Variants in EFNA5 observed in about 807,000 individuals in gnomAD.
EFNA5 encodes the protein ephrin A5.
In EFNA5, 5 loss-of-function variants were observed where a neutral mutation model predicts 22.9. The ratio of observed to expected loss-of-function variants is 0.22; its 90% CI spans 0.11 to 0.46. The LOEUF is 0.46. Among genes scored for constraint, EFNA5 ranks in the 20% least tolerant of loss-of-function variants. The pLI is 0.99. For missense variants in EFNA5, 237 were observed against 293.3 expected, an observed-to-expected ratio of 0.81 and a Z score of 1.40; for synonymous variants, 113 against 112.2, an observed-to-expected ratio of 1.01 and a Z score of -0.04.
chr5:107,602,423 A>G (rs962104356), intron 1 of EFNA5, among the ~76,000 whole-genome samples: 2 of 152,248 alleles, frequency 1.3e-5, no homozygotes, highest in African/African-American at 4.8e-5. Flanking sequence ...GGGTAAAGAT[A>G]AAAATCAGAG....
rs183571857 is a variant in EFNA5, at chr5:107,495,093, G to A, written c.126-67584C>T. On this transcript the variant is annotated intron_variant, in intron 1 of 4. Coordinates refer to ENST00000333274, the MANE Select transcript of EFNA5 (RefSeq NM_001962.3). The stretch of plus-strand genomic sequence containing the variant: ...AAGAGAATAAAAGCAGGCTGCCTGA[G>A]CCAGCAGTGGCAACCCGCTCAGGTC... Among the ~76,000 whole-genome samples the A allele has an allele frequency of 2.6e-3, 397 of 152,282 alleles. 4 individuals are homozygous for A. Among genetic ancestry groups the A allele is most frequent in the African/African-American group, 8.8e-3 (364 of 41,556 alleles).
chr5:107,644,395 GCTT>G (rs946004301), intron 1 of EFNA5, among the ~76,000 whole-genome samples: 1 of 152,124 alleles, frequency 6.6e-6, no homozygotes, highest in Non-Finnish European at 1.5e-5. Context: ...AGAACATTTT[GCTT>G]CGTTTCAAAA....
chr5:107,661,570 G>A (rs1260550622), intron 1 of EFNA5, among the ~76,000 whole-genome samples: 1 of 152,150 alleles, frequency 6.6e-6, no homozygotes, highest in African/African-American at 2.4e-5. Flanking sequence ...GTATTTTCTT[G>A]CCCTGAAACA....
intron 1 of EFNA5, among the ~76,000 whole-genome samples, chr5:107,599,849 C>A (rs1383402866): frequency 2.6e-5 from 4 of 152,170 alleles, no homozygotes; most frequent in African/African-American, 9.7e-5. Context: ...AATGCATCTC[C>A]GAGGCTGTGC....
At chr5:107,558,817 T>C (rs566062639) in intron 1 of EFNA5, among the ~76,000 whole-genome samples, 2 of 152,372 alleles carry the variant, frequency 1.3e-5, no homozygotes, top group African/African-American at 2.4e-5. Context: ...TTTAAACATA[T>C]AGCTTTGCCT....
chr5:107,653,553 G>A (rs1750774223), intron 1 of EFNA5, among the ~76,000 whole-genome samples: 1 of 152,144 alleles, frequency 6.6e-6, no homozygotes, highest in Non-Finnish European at 1.5e-5. Context: ...TGGAGGCACT[G>A]TTTTAAAGCT....
intron 1 of EFNA5, among the ~76,000 whole-genome samples, chr5:107,509,549 TC>T: frequency 6.6e-6 from 1 of 150,444 alleles, no homozygotes; most frequent in Middle Eastern, 3.5e-3. Context: ...GCCAAGCTGG[TC>T]TTGAACTCCT....
intron 1 of EFNA5, among the ~76,000 whole-genome samples, chr5:107,521,788 G>C (rs1462617540): frequency 2.0e-5 from 3 of 152,256 alleles, no homozygotes; most frequent in African/African-American, 4.8e-5. Flanking sequence ...TGCATAAATT[G>C]TAAGTTGAAG....
At chr5:107,415,958 C>T (rs986728460) in intron 2 of EFNA5, among the ~76,000 whole-genome samples, 8 of 152,240 alleles carry the variant, frequency 5.3e-5, no homozygotes, top group East Asian at 1.9e-4. Context: ...TATCCACCAA[C>T]GCCTACACTG....
In EFNA5 at chr5:107,379,871, A is replaced by G. The variant is rs1043637721; in HGVS notation, c.*1384T>C. The G allele has an allele frequency of 6.6e-6, 1 of 152,174 alleles. No homozygotes were observed. Among genetic ancestry groups the G allele is most frequent in the Non-Finnish European group, 1.5e-5 (1 of 68,036 alleles). 9.4% of individuals were successfully genotyped at this position (152,174 alleles called of 1,614,324 possible). ...TATATACTCACTCTCAGCATAAAGTATATCTAAATAATGTATTTTCTATTC... is the reference window on the plus strand; with the variant it reads ...TATATACTCACTCTCAGCATAAAGTGTATCTAAATAATGTATTTTCTATTC... On this transcript the variant is annotated 3_prime_UTR_variant, in exon 5 of 5. Transcript: ENST00000333274.
At chr5:107,477,248 T>C (rs1487847229) in intron 1 of EFNA5, among the ~76,000 whole-genome samples, 1 of 152,122 alleles carries the variant, frequency 6.6e-6, no homozygotes, top group African/African-American at 2.4e-5. Flanking sequence ...ATACTAATCA[T>C]AATATTAACA....
chr5:107,495,463 C>A (rs1746951534), intron 1 of EFNA5, among the ~76,000 whole-genome samples: 1 of 152,236 alleles, frequency 6.6e-6, no homozygotes, highest in African/African-American at 2.4e-5. Context: ...TCGCGAGGGT[C>A]CGCGGCCTCA....
rs564868922 is a variant in EFNA5, at chr5:107,379,156, T to C, written c.*2099A>G. 1 of 152,146 alleles carries C rather than the reference T, an allele frequency of 6.6e-6. No individual in the cohort carries two copies. Among genetic ancestry groups the C allele is most frequent in the Non-Finnish European group, 1.5e-5 (1 of 68,030 alleles). 9.4% of individuals were successfully genotyped at this position (152,146 alleles called of 1,614,324 possible). ...AGGAGTTCCTTATGTCAGAGGGGAA[T>C]AGGATTGATTGTATCTGTGAGGCTG... On this transcript the variant is annotated 3_prime_UTR_variant, in exon 5 of 5. Coordinates refer to ENST00000333274, the MANE Select transcript of EFNA5 (RefSeq NM_001962.3).
chr5:107,564,639 T>G (rs1237598860), intron 1 of EFNA5, among the ~76,000 whole-genome samples: 3 of 149,824 alleles, frequency 2.0e-5, no homozygotes, highest in Non-Finnish European at 3.0e-5. Context: ...TTGTTTTTTT[T>G]TTTTTTTTTT....
intron 1 of EFNA5, among the ~76,000 whole-genome samples, chr5:107,634,931 A>T (rs1750340428): frequency 6.6e-6 from 1 of 152,198 alleles, no homozygotes; most frequent in Non-Finnish European, 1.5e-5. Flanking sequence ...AAATATACGA[A>T]ATTCAAAAGA....
At chr5:107,399,563 C>A (rs1748032391) in intron 2 of EFNA5, among the ~76,000 whole-genome samples, 1 of 152,086 alleles carries the variant, frequency 6.6e-6, no homozygotes, top group South Asian at 2.1e-4. Flanking sequence ...ATCCAAGTGA[C>A]CATGGGCTTC....
intron 1 of EFNA5, among the ~76,000 whole-genome samples, chr5:107,532,390 G>T (rs1434519179): frequency 1.3e-5 from 2 of 152,222 alleles, no homozygotes; most frequent in Non-Finnish European, 2.9e-5. Flanking sequence ...ACTGCCCAGT[G>T]AAACTGCACT....
intron 1 of EFNA5, among the ~76,000 whole-genome samples, chr5:107,669,472 A>T (rs1419151804): frequency 6.6e-6 from 1 of 151,772 alleles, no homozygotes; most frequent in Non-Finnish European, 1.5e-5. Context: ...ACAGGCCGGG[A>T]AGCAATAAAG....
At chr5:107,386,148 C>CAA (rs33964723) in intron 4 of EFNA5, among the ~76,000 whole-genome samples, 39,621 of 79,552 alleles carry the variant, frequency 0.5, 9,333 homozygotes, top group Non-Finnish European at 0.55. Flanking sequence ...AGAAATTCTA[C>CAA]AAAAAAAAAA....
Sources: allele counts gnomAD v4.1 joint callset (sites outside exome capture counted in the v4.1 genomes callset), GRCh38; gene constraint gnomAD v4.1.1; transcripts MANE v1.5; gene names NCBI Gene and HGNC (gene_info 2026-07-23, HGNC 2026-07-21).